MEGF8: variants seen among roughly 807,000 people sequenced by gnomAD.
The protein encoded by MEGF8 is multiple EGF like domains 8.
In MEGF8, 156 loss-of-function variants were observed where a neutral mutation model predicts 302.9. The observed-to-expected ratio is 0.52, with a 90% CI of 0.45 to 0.59. The LOEUF (loss-of-function observed/expected upper bound fraction) is 0.59. Ranked by LOEUF, MEGF8 falls within the 20% of genes least tolerant of loss-of-function variation. The probability of loss-of-function intolerance (pLI) is 0.00; values close to 1 mark genes in which losing one functional copy is unlikely to be tolerated. For synonymous variants in MEGF8, 1,621 were observed against 1,660.5 expected, an observed-to-expected ratio of 0.98 and a Z score of 0.58; for missense variants, 3,345 against 3,964.5, an observed-to-expected ratio of 0.84 and a Z score of 4.20.
rs965662961 is a variant in MEGF8, at chr19:42,353,372, G to T, written c.3551-93G>T. 35 of 1,407,204 alleles carry T rather than the reference G, an allele frequency of 2.5e-5. No individual in the cohort carries two copies. The highest frequency in any genetic ancestry group is 3.3e-5 in the Non-Finnish European group (34 of 1,034,832). The allele number at this position is 1,407,204 out of a possible 1,614,324, so 87.2% of individuals were successfully genotyped here. On this transcript the variant is annotated intron_variant, in intron 20 of 41. Coordinates refer to ENST00000251268, the MANE Select transcript of MEGF8 (RefSeq NM_001271938.2). This position sits in a 1 kb window ranked among gnomAD's most constrained non-coding sequence, Gnocchi z 6.1. ...GGCCTTGGTTTCTCACCTTTGAAGC[G>T]GCTGGGTGGGGTCAGGGTTTAGCTG...
chr19:42,368,534 C>A lies in MEGF8; in HGVS notation c.6353C>A (p.Ser2118Tyr). Reference sequence around the variant, plus strand: ...CTGCTCCGGGGACCTGAGAGCTGCTCCCTGGGCTGTGCTCAGGCAACTCAG... The same window carrying A: ...CTGCTCCGGGGACCTGAGAGCTGCTACCTGGGCTGTGCTCAGGCAACTCAG... ...GRLLRGPESC[S>Y]LGCAQATQCA... Residue 2118 changes from serine (S) to tyrosine (Y), a missense_variant, in exon 36 of 42, where the codon TCC becomes TAC. Physicochemically the swap from Ser to Tyr is moderately radical, Grantham distance 144 (BLOSUM62 -2). Transcript: ENST00000251268. This position sits in a 1 kb window ranked among gnomAD's most constrained non-coding sequence, Gnocchi z 4.9. The A allele has an allele frequency of 6.2e-7, 1 of 1,605,494 alleles. No individual in the cohort carries two copies. Among genetic ancestry groups the A allele is most frequent in the Non-Finnish European group, 8.5e-7 (1 of 1,176,766 alleles).
chr19:42,325,708 T>G lies in MEGF8; in HGVS notation c.-536T>G, dbSNP rs1341314378. 1 of 153,312 alleles carries G rather than the reference T, an allele frequency of 6.5e-6. No homozygotes were observed. The highest frequency in any genetic ancestry group is 2.4e-5 in the African/African-American group (1 of 41,458). The allele number at this position is 153,312 out of a possible 1,614,324, so 9.5% of individuals were successfully genotyped here. The stretch of plus-strand genomic sequence containing the variant: ...GAGCAAAGGGATTGGGTCTGTGGGG[T>G]CCAGGCCCGAACCCCTGAAGACGGG... On this transcript the variant is annotated 5_prime_UTR_variant, in exon 1 of 42. Coordinates refer to ENST00000251268, the MANE Select transcript of MEGF8 (RefSeq NM_001271938.2).
At position 42,376,535 on chromosome 19, in the gene MEGF8, G is replaced by A; in HGVS notation, c.8298G>A (p.Gly2766=). 1 of 1,567,180 alleles carries A rather than the reference G, an allele frequency of 6.4e-7. No individual in the cohort carries two copies. Among genetic ancestry groups the A allele is most frequent in the Non-Finnish European group, 8.6e-7 (1 of 1,159,012 alleles). ...CCACCACTGCTGGGCTGCGAGCTGGGCCCATCACTCTCGAGCCCACAGAAG... is the reference window on the plus strand; with the variant it reads ...CCACCACTGCTGGGCTGCGAGCTGGACCCATCACTCTCGAGCCCACAGAAG... ...IPATTAGLRA[G]PITLEPTEDG... is the part of the protein sequence containing the mutation. The change falls in exon 42 of 42, where the codon GGG becomes GGA. Residue 2766 remains glycine (G), a synonymous_variant. Coordinates refer to ENST00000251268, the MANE Select transcript of MEGF8 (RefSeq NM_001271938.2). The surrounding 1 kb of genome is among the most constrained non-coding windows in gnomAD (Gnocchi z 8.2).
At position 42,353,668 on chromosome 19, in the gene MEGF8, G is replaced by A. The variant is rs578098855; in HGVS notation, c.3754G>A (p.Asp1252Asn). The A allele has an allele frequency of 6.3e-7, 1 of 1,576,296 alleles. No individual in the cohort carries two copies. Among genetic ancestry groups the A allele is most frequent in the South Asian group, 1.1e-5 (1 of 87,360 alleles). The change falls in exon 21 of 42, where the codon GAT (aspartate) becomes AAT (asparagine). Residue 1252 changes from aspartate (D) to asparagine (N), a missense_variant. Asp to Asn is a conservative substitution (Grantham distance 23, BLOSUM62 1). Transcript: ENST00000251268. This position sits in a 1 kb window ranked among gnomAD's most constrained non-coding sequence, Gnocchi z 6.1. ...CQLCSPGYYG[D>N]PRAGGSCFRE... ...GCTCTGCTCCCCAGGCTATTATGGG[G>A]ATCCCCGGTGAGCCAACGGGCCAGC...
chr19:42,358,812 G>A lies in MEGF8; in HGVS notation c.5201G>A (p.Gly1734Asp). 1 of 1,585,286 alleles carries A rather than the reference G, an allele frequency of 6.3e-7. No individual in the cohort carries two copies. Among genetic ancestry groups the A allele is most frequent in the Non-Finnish European group, 8.6e-7 (1 of 1,166,926 alleles). ...CGAGATCGTATGAGGAATGTGCGTG[G>A]CTCATCTCGGGGTCTGGGCCAAGTT... ...AKRDRMRNVR[G>D]SSRGLGQVPG... Residue 1734 changes from glycine (G) to aspartate (D), a missense_variant, in exon 30 of 42, where the codon GGC becomes GAC. Transcript: ENST00000251268. The surrounding 1 kb of genome is among the most constrained non-coding windows in gnomAD (Gnocchi z 4.4).
chr19:42,346,723 G>A (rs2039293815), intron 12 of MEGF8, among the ~76,000 whole-genome samples: 1 of 151,976 alleles, frequency 6.6e-6, no homozygotes, highest in South Asian at 2.1e-4. Flanking sequence ...GGTGGCTCAC[G>A]CCGGTAATCC....
intron 15 of MEGF8, 115 bp downstream of exon 15, chr19:42,350,499 T>A: frequency 1.1e-6 from 1 of 952,112 alleles, no homozygotes. Flanking sequence ...GCTTTTGGCC[T>A]TGATCTGCAG....
chr19:42,336,410 T>A lies in MEGF8; in HGVS notation c.1244+64T>A, dbSNP rs2039129557. Reference sequence around the variant, plus strand: ...GGCCCAGCTCAACACCATAGGCCTTTAGTCTTTAGAGGTCTTTGCCCACTG... The same window carrying A: ...GGCCCAGCTCAACACCATAGGCCTTAAGTCTTTAGAGGTCTTTGCCCACTG... On this transcript the variant is annotated intron_variant, in intron 6 of 41. Coordinates refer to ENST00000251268, the MANE Select transcript of MEGF8 (RefSeq NM_001271938.2). This position sits in a 1 kb window ranked among gnomAD's most constrained non-coding sequence, Gnocchi z 4.8. 1 of 1,469,068 alleles carries A rather than the reference T, an allele frequency of 6.8e-7. No individual in the cohort carries two copies. The allele number at this position is 1,469,068 out of a possible 1,614,324, so 91.0% of individuals were successfully genotyped here. A position where few individuals can be genotyped will look rare whatever the true frequency, so the allele number is the denominator to read the frequency against.
Position 42,357,567 on chromosome 19 carries a change from G to T in MEGF8, c.4994G>T (p.Ser1665Ile). 1 of 1,608,546 alleles carries T rather than the reference G, an allele frequency of 6.2e-7. No individual in the cohort carries two copies. Among genetic ancestry groups the T allele is most frequent in the Non-Finnish European group, 8.5e-7 (1 of 1,177,748 alleles). The change falls in exon 28 of 42, where the codon AGT (serine) becomes ATT (isoleucine). Residue 1665 changes from serine (S) to isoleucine (I), a missense_variant. Coordinates refer to ENST00000251268, the MANE Select transcript of MEGF8 (RefSeq NM_001271938.2). This position sits in a 1 kb window ranked among gnomAD's most constrained non-coding sequence, Gnocchi z 5.2. Reference sequence around the variant, plus strand: ...GGCACCTGGGTGTCAGGAGCCCAGAGTGGGACACCCCCCACAGGTGGGGCT... The same window carrying T: ...GGCACCTGGGTGTCAGGAGCCCAGATTGGGACACCCCCCACAGGTGGGGCT... ...ATGTWVSGAQ[S>I]GTPPTGLYGH...
Position 42,355,879 on chromosome 19 carries a change from G to C in MEGF8, c.4266G>C (p.Val1422=), listed in dbSNP as rs750048280. ...PGSCPVPQEC[V]PQDGAAGAGL... ...GCTGTCCCGTCCCCCAGGAATGCGT[G>C]CCCCAGGACGGTGCTGCAGGTGCGG... Residue 1422 remains valine (V), a synonymous_variant, in exon 24 of 42, where the codon GTG becomes GTC. Coordinates refer to ENST00000251268, the MANE Select transcript of MEGF8 (RefSeq NM_001271938.2). The C allele has an allele frequency of 6.3e-7, 1 of 1,576,660 alleles. No homozygotes were observed. The highest frequency in any genetic ancestry group is 1.9e-5 in the Admixed American group (1 of 53,742).
Position 42,354,096 on chromosome 19 carries a change from A to G in MEGF8, c.4011+72A>G. 6.7e-7 allele frequency: 1 copy of G among 1,489,506 alleles called. No homozygotes were observed. Among genetic ancestry groups the G allele is most frequent in the Non-Finnish European group, 9.0e-7 (1 of 1,115,798 alleles). 92.3% of individuals were successfully genotyped at this position (1,489,506 alleles called of 1,614,324 possible). ...GTCCCCTGACCCAGCCTGCATCCTC[A>G]GACCCTGACCCTAGTATTGCTGTTT... On this transcript the variant is annotated intron_variant, in intron 22 of 41. Coordinates refer to ENST00000251268, the MANE Select transcript of MEGF8 (RefSeq NM_001271938.2). The surrounding 1 kb of genome is among the most constrained non-coding windows in gnomAD (Gnocchi z 4.3).
At chr19:42,345,855 A>G (rs186322113) in intron 12 of MEGF8, among the ~76,000 whole-genome samples, 1 of 152,316 alleles carries the variant, frequency 6.6e-6, no homozygotes, top group East Asian at 1.9e-4. Flanking sequence ...TATTCATCTT[A>G]TTGAGGAATG....
At chr19:42,360,625 G>T in intron 31 of MEGF8, 150 bp from the exon 32 acceptor site, 1 of 1,451,180 alleles carries the variant, frequency 6.9e-7, no homozygotes, top group Non-Finnish European at 9.1e-7. Context: ...GATCACAGGT[G>T]TGAGCCACCG....
chr19:42,364,458 A>G (rs1568573962), intron 35 of MEGF8, among the ~76,000 whole-genome samples: 1 of 152,254 alleles, frequency 6.6e-6, no homozygotes, highest in African/African-American at 2.4e-5. Flanking sequence ...CTAAGTGATC[A>G]GTCCAGCCAC....
Position 42,350,316 on chromosome 19 carries a change from CTGCTGG to C in MEGF8, c.2678_2683del (p.Leu893_Val894del). The C allele has an allele frequency of 6.2e-7, 1 of 1,607,944 alleles. No individual in the cohort carries two copies. The highest frequency in any genetic ancestry group is 8.5e-7 in the Non-Finnish European group (1 of 1,179,570). ...CGGGGATGACGGGGCTGGTGGGTCC[CTGCTGG>C]TGCTGGTGCCTACCCTCTGCCCACT... On this transcript the variant is annotated inframe_deletion, in exon 15 of 42. Transcript: ENST00000251268.
In MEGF8 at chr19:42,369,343, A is replaced by T. The variant is rs1365848499; in HGVS notation, c.6642-188A>T. ...AAAAAAGAAAATAGGGTACCCTCAA[A>T]AGAGGAGAGAGGGTTGTGGGCTACA... On this transcript the variant is annotated intron_variant, in intron 37 of 41. Coordinates refer to ENST00000251268, the MANE Select transcript of MEGF8 (RefSeq NM_001271938.2). The surrounding 1 kb of genome is among the most constrained non-coding windows in gnomAD (Gnocchi z 5.7). Among the ~76,000 whole-genome samples the T allele has an allele frequency of 6.6e-6, 1 of 152,172 alleles. No individual in the cohort carries two copies. The highest frequency in any genetic ancestry group is 1.5e-5 in the Non-Finnish European group (1 of 68,016).
chr19:42,370,712 G>T lies in MEGF8; in HGVS notation c.7017G>T (p.Trp2339Cys). 6.3e-7 allele frequency: 1 copy of T among 1,592,852 alleles called. No individual in the cohort carries two copies. Among genetic ancestry groups the T allele is most frequent in the Non-Finnish European group, 8.5e-7 (1 of 1,169,792 alleles). The change falls in exon 40 of 42, where the codon TGG (tryptophan) becomes TGT (cysteine). Residue 2339 changes from tryptophan (W) to cysteine (C), a missense_variant. Transcript: ENST00000251268. Reference protein sequence around the residue: ...YSLDPEEIENWVTEGPSEDEA... With the variant: ...YSLDPEEIENCVTEGPSEDEA... ...CCTTCCTTGGCCAGATTGAAAACTG[G>T]GTGACAGAGGGTCCTAGTGAAGACG...
At position 42,371,448 on chromosome 19, in the gene MEGF8, C is replaced by T; in HGVS notation, c.7235C>T (p.Ser2412Phe). The change falls in exon 41 of 42, where the codon TCC becomes TTC. Residue 2412 changes from serine to phenylalanine, a missense_variant. Coordinates refer to ENST00000251268, the MANE Select transcript of MEGF8 (RefSeq NM_001271938.2). Reference sequence around the variant, plus strand: ...GAGACGGGCACATGCCAGGGCAGCTCCCCCAGTGACCGTCGAGACTGCTAC... The same window carrying T: ...GAGACGGGCACATGCCAGGGCAGCTTCCCCAGTGACCGTCGAGACTGCTAC... ...NTETGTCQGS[S>F]PSDRRDCYKY... The T allele has an allele frequency of 6.2e-7, 1 of 1,613,822 alleles. No homozygotes were observed. Among genetic ancestry groups the T allele is most frequent in the Non-Finnish European group, 8.5e-7 (1 of 1,179,870 alleles).
Position 42,358,889 on chromosome 19 carries a change from G to A in MEGF8, c.5278G>A (p.Ala1760Thr), listed in dbSNP as rs773145911. The A allele has an allele frequency of 3.8e-5, 62 of 1,611,778 alleles. No individual in the cohort carries two copies. The highest frequency in any genetic ancestry group is 4.9e-5 in the Non-Finnish European group (58 of 1,179,084). ...WGFREVRKKM[A>T]LWAALAGTGG... ...GTTCCGGGAAGTCAGGAAGAAGATGGCTCTGTGGGCTGCTCTTGCTGGTAC... is the reference window on the plus strand; with the variant it reads ...GTTCCGGGAAGTCAGGAAGAAGATGACTCTGTGGGCTGCTCTTGCTGGTAC... The change falls in exon 30 of 42, where the codon GCT becomes ACT. Residue 1760 changes from alanine to threonine, a missense_variant. Physicochemically the swap from Ala to Thr is moderately conservative, Grantham distance 58 (BLOSUM62 0). Coordinates refer to ENST00000251268, the MANE Select transcript of MEGF8 (RefSeq NM_001271938.2). The surrounding 1 kb of genome is among the most constrained non-coding windows in gnomAD (Gnocchi z 4.4).
Sources: gnomAD v4.1 joint callset for allele counts (sites outside exome capture counted in the v4.1 genomes callset) on GRCh38, gnomAD v4.1.1 for gene constraint, Gnocchi (gnomAD v3.1) non-coding constraint, MANE v1.5 for transcripts, NCBI Gene and HGNC (gene_info 2026-07-23, HGNC 2026-07-21) for gene names.